The following PCDHGA7 variants were observed in gnomAD, a reference collection of about 807,000 sequenced individuals.
PCDHGA7 encodes the protein protocadherin gamma subfamily A, 7, also known as protocadherin gamma-A7.
PCDHGA7 carries 44 observed loss-of-function variants against 58.3 expected under a neutral mutation model. The ratio of observed to expected loss-of-function variants is 0.75; its 90% CI spans 0.59 to 0.97. The LOEUF is 0.97. PCDHGA7 is among the 50% of genes least tolerant of loss of function. The pLI is 0.00. For synonymous variants in PCDHGA7, 516 were observed against 504.2 expected (o/e 1.02, Z -0.31); for missense variants, 1,266 against 1,188.7 (o/e 1.06, Z -0.96).
rs764593779 is a variant in PCDHGA7 at position 141,382,794 on chromosome 5, C to T, written c.-106C>T. 9.0e-5 allele frequency: 88 copies of T among 974,042 alleles called. No individual in the cohort carries two copies. Among genetic ancestry groups the T allele is most frequent in the Admixed American group, 2.4e-5 (1 of 41,786 alleles). The allele number at this position is 974,042 out of a possible 1,614,324, so 60.3% of individuals were successfully genotyped here. ...GCACTAAACTCAAGCCTCTATCCTGCTGGATTCTGAGCTCCCCTTCCTAAG... is the reference window on the plus strand; with the variant it reads ...GCACTAAACTCAAGCCTCTATCCTGTTGGATTCTGAGCTCCCCTTCCTAAG... On this transcript the variant is annotated 5_prime_UTR_variant, in exon 1 of 4. Coordinates refer to ENST00000518325, the MANE Select transcript of PCDHGA7 (RefSeq NM_018920.4).
chr5:141,442,119 C>T (rs563017984), intron 1 of PCDHGA7: 1 of 166,262 alleles, frequency 6.0e-6, no homozygotes, highest in African/African-American at 2.4e-5. Context: ...CCCCTCGTCG[C>T]CGACAGCCTG....
At chr5:141,506,241 G>C (rs2237081) in intron 3 of PCDHGA7, among the ~76,000 whole-genome samples, 78,081 of 151,504 alleles carry the variant, frequency 0.52, 20,775 homozygotes, top group African/African-American at 0.63. Context: ...ATGAGGTCAG[G>C]AGTTCGAAAC....
chr5:141,511,695 C>A lies in PCDHGA7; in HGVS notation c.*522C>A, dbSNP rs1009832192. The A allele has an allele frequency of 9.7e-5, 19 of 195,544 alleles. No individual in the cohort carries two copies. The highest frequency in any genetic ancestry group is 1.7e-4 in the Non-Finnish European group (16 of 92,634). 12.1% of individuals were successfully genotyped at this position (195,544 alleles called of 1,614,324 possible). A position where few individuals can be genotyped will look rare whatever the true frequency, so the allele number is the denominator to read the frequency against. On this transcript the variant is annotated 3_prime_UTR_variant, in exon 4 of 4. Transcript: ENST00000518325. ...CTTCCCCCAAAGCATGGTTTGGTGC[C>A]AGCCCCTTCACCTCCTTCCAGAGCC...
chr5:141,486,166 G>A lies in PCDHGA7; in HGVS notation c.2425-8641G>A. ...GCGATGGGGGTTCTCCAGCCATGGA[G>A]CAACATTGCAGCCTTCGAGTGGATC... On this transcript the variant is annotated intron_variant, in intron 1 of 3. Coordinates refer to ENST00000518325, the MANE Select transcript of PCDHGA7 (RefSeq NM_018920.4). The surrounding 1 kb of genome is among the most constrained non-coding windows in gnomAD (Gnocchi z 5.0). The A allele has an allele frequency of 2.5e-6, 4 of 1,614,224 alleles. No individual in the cohort carries two copies. The highest frequency in any genetic ancestry group is 3.4e-6 in the Non-Finnish European group (4 of 1,180,040).
chr5:141,389,726 C>G (rs150721796), intron 1 of PCDHGA7: 2 of 1,612,720 alleles, frequency 1.2e-6, no homozygotes, highest in Non-Finnish European at 1.7e-6. Flanking sequence ...AGCCCGGGCT[C>G]TTCAGCCTGG....
At chr5:141,423,470 A>G in intron 1 of PCDHGA7, 1 of 1,614,002 alleles carries the variant, frequency 6.2e-7, no homozygotes, top group Non-Finnish European at 8.5e-7. Context: ...GACGGGGTAC[A>G]GGCTTTCCTG....
At chr5:141,481,606 C>T (rs2099540144) in intron 1 of PCDHGA7, among the ~76,000 whole-genome samples, 1 of 152,000 alleles carries the variant, frequency 6.6e-6, no homozygotes, top group South Asian at 2.1e-4. Context: ...TCACCTGAGG[C>T]CAGGAGTTCA....
chr5:141,412,976 A>C (rs2095594590), intron 1 of PCDHGA7: 1 of 535,900 alleles, frequency 1.9e-6, no homozygotes. Context: ...GAGAAAACGC[A>C]GCCAGAGCTC....
In PCDHGA7 at chr5:141,494,634, T is replaced by C. The variant is rs917243803; in HGVS notation, c.2425-173T>C. The C allele has an allele frequency of 1.1e-5, 10 of 889,216 alleles. No individual in the cohort carries two copies. In the African/African-American group the frequency reaches 1.8e-4, roughly 16 times the overall value. 55.1% of individuals were successfully genotyped at this position (889,216 alleles called of 1,614,324 possible). A position where few individuals can be genotyped will look rare whatever the true frequency, so the allele number is the denominator to read the frequency against. On this transcript the variant is annotated intron_variant, in intron 1 of 3. Coordinates refer to ENST00000518325, the MANE Select transcript of PCDHGA7 (RefSeq NM_018920.4). ...CTTGGTTTCTGGTACCTCAGACCTC[T>C]GAGACCTGAGGTGTATTTTGTCTTT...
intron 1 of PCDHGA7, among the ~76,000 whole-genome samples, chr5:141,407,092 T>C (rs917246877): frequency 1.3e-5 from 2 of 152,360 alleles, no homozygotes; most frequent in Admixed American, 6.5e-5. Context: ...AGAATTGTTT[T>C]ATTTGTTTGT....
Position 141,393,633 on chromosome 5 carries a change from A to G in PCDHGA7, c.2424+8310A>G, listed in dbSNP as rs376168054. The stretch of plus-strand genomic sequence containing the variant: ...AGCCAGCGACCCGGATGAGGGAATC[A>G]ACGGAAAAGTGGCATACAAATTCCG... On this transcript the variant is annotated intron_variant, in intron 1 of 3. Transcript: ENST00000518325. 8 of 1,613,854 alleles carry G rather than the reference A, an allele frequency of 5.0e-6. No homozygotes were observed. The highest frequency in any genetic ancestry group is 1.3e-5 in the African/African-American group (1 of 74,956).
At chr5:141,388,773 G>T (rs769358867) in intron 1 of PCDHGA7, 12 of 1,613,808 alleles carry the variant, frequency 7.4e-6, no homozygotes, top group Non-Finnish European at 9.3e-6. Context: ...CTCTAACACC[G>T]GGGAAATTAC....
chr5:141,428,007 A>G, intron 1 of PCDHGA7: 1 of 1,602,018 alleles, frequency 6.2e-7, no homozygotes, highest in Non-Finnish European at 8.5e-7. Flanking sequence ...ACTCTTCGAT[A>G]TAGTGCCACG....
chr5:141,410,837 TTTTGTC>T, intron 1 of PCDHGA7: 3 of 501,732 alleles, frequency 6.0e-6, no homozygotes. Context: ...ACTGAAGATA[TTTTGTC>T]TTTGTCTTTT....
At position 141,408,408 on chromosome 5, in the gene PCDHGA7, G is replaced by A. The variant is rs376957467; in HGVS notation, c.2424+23085G>A. On this transcript the variant is annotated intron_variant, in intron 1 of 3. Coordinates refer to ENST00000518325, the MANE Select transcript of PCDHGA7 (RefSeq NM_018920.4). The stretch of plus-strand genomic sequence containing the variant: ...GTGTCGGCTCGCAAGCTGCGAGTGA[G>A]CGCGGAGAAGCTGCACTTCAGCGTA... 5 of 1,614,080 alleles carry A rather than the reference G, an allele frequency of 3.1e-6. No homozygotes were observed. The Admixed American group carries it at 5.0e-5, about 16-fold the overall frequency.
At chr5:141,497,201 G>A (rs1190666375) in intron 2 of PCDHGA7, among the ~76,000 whole-genome samples, 1 of 93,734 alleles carries the variant, frequency 1.1e-5, no homozygotes, top group African/African-American at 8.6e-5. Flanking sequence ...AGAACAATGT[G>A]AGTGTAATGG....
intron 1 of PCDHGA7, among the ~76,000 whole-genome samples, chr5:141,405,709 C>T (rs2094708572): frequency 2.0e-5 from 3 of 152,150 alleles, no homozygotes; most frequent in African/African-American, 7.2e-5. Context: ...AATTCCTAAC[C>T]TCAAGTGATC....
rs2099412065 is a variant in PCDHGA7, at chr5:141,477,502, C to T, written c.2425-17305C>T. On this transcript the variant is annotated intron_variant, in intron 1 of 3. Coordinates refer to ENST00000518325, the MANE Select transcript of PCDHGA7 (RefSeq NM_018920.4). This position sits in a 1 kb window ranked among gnomAD's most constrained non-coding sequence, Gnocchi z 4.9. ...CTCCACAATCTTCTCAATCTTCCTACGACGTTTACATTGAAGAAAACAACC... is the reference window on the plus strand; with the variant it reads ...CTCCACAATCTTCTCAATCTTCCTATGACGTTTACATTGAAGAAAACAACC... 2 of 1,614,144 alleles carry T rather than the reference C, an allele frequency of 1.2e-6. No homozygotes were observed. Among genetic ancestry groups the T allele is most frequent in the Non-Finnish European group, 1.7e-6 (2 of 1,180,018 alleles).
At chr5:141,405,047 G>A in intron 1 of PCDHGA7, 4 of 1,613,944 alleles carry the variant, frequency 2.5e-6, no homozygotes, top group Non-Finnish European at 2.5e-6. Context: ...GGCTGTGGCA[G>A]TCGTCTCCTG....
Sources: allele counts gnomAD v4.1 joint callset (sites outside exome capture counted in the v4.1 genomes callset), GRCh38; gene constraint gnomAD v4.1.1; non-coding constraint Gnocchi (gnomAD v3.1); transcripts MANE v1.5; gene names NCBI Gene and HGNC (gene_info 2026-07-23, HGNC 2026-07-21).